Variants in LINGO2 observed in about 807,000 individuals in gnomAD.
LINGO2 encodes leucine-rich repeat and immunoglobulin-like domain-containing nogo receptor-interacting protein 2.
In LINGO2, 14 loss-of-function variants were observed where a neutral mutation model predicts 30.6. The ratio of observed to expected loss-of-function variants is 0.46; its 90% confidence interval spans 0.30 to 0.72. The LOEUF is 0.72. Ranked by LOEUF, LINGO2 falls within the 30% of genes least tolerant of loss-of-function variation. The pLI is 0.07. For missense variants in LINGO2, 729 were observed against 751.7 expected (o/e 0.97, Z 0.35); for synonymous variants, 317 against 288.5 (o/e 1.10, Z -1.00).
At chr9:28,687,934 AG>A in the LINGO2 span, among the ~76,000 whole-genome samples, 1 of 152,162 alleles carries the variant, frequency 6.6e-6, no homozygotes, top group Non-Finnish European at 1.5e-5. Flanking sequence ...TTATGAGCAA[AG>A]ACTCTGTGAA....
the LINGO2 span, chr9:28,863,630 G>A: frequency 5.8e-4 from 279 of 483,842 alleles, no homozygotes; most frequent in Non-Finnish European, 1.1e-3. Context: ...CACCTGTGAA[G>A]CACTATGAAT....
At chr9:29,060,476 A>G in the LINGO2 span, among the ~76,000 whole-genome samples, 1 of 151,976 alleles carries the variant, frequency 6.6e-6, no homozygotes, top group Non-Finnish European at 1.5e-5. Flanking sequence ...TTATAACAAG[A>G]CCCAGAGATC....
the LINGO2 span, among the ~76,000 whole-genome samples, chr9:28,700,535 C>G: frequency 6.6e-6 from 1 of 151,952 alleles, no homozygotes; most frequent in South Asian, 2.1e-4. Context: ...CATCCATACA[C>G]TGAAGGACAT....
intron 1 of LINGO2, among the ~76,000 whole-genome samples, chr9:28,525,378 G>A (rs1820981779): frequency 6.6e-6 from 1 of 152,046 alleles, no homozygotes; most frequent in Non-Finnish European, 1.5e-5. Context: ...GTACATGAAT[G>A]TTCATAATAA....
intron 3 of LINGO2, among the ~76,000 whole-genome samples, chr9:28,309,030 C>T (rs1158068210): frequency 6.6e-6 from 1 of 151,764 alleles, no homozygotes; most frequent in Non-Finnish European, 1.5e-5. Context: ...GTGGCAATTC[C>T]TCAGGGATCT....
the LINGO2 span, among the ~76,000 whole-genome samples, chr9:29,105,147 C>A: frequency 6.6e-6 from 1 of 152,064 alleles, no homozygotes; most frequent in South Asian, 2.1e-4. Flanking sequence ...TTTTATTTCA[C>A]AAATATTTGA....
the LINGO2 span, among the ~76,000 whole-genome samples, chr9:28,705,293 TGGTGGTAAGATGTTAGGGGAA>T: frequency 6.6e-6 from 1 of 151,940 alleles, no homozygotes; most frequent in Non-Finnish European, 1.5e-5. Flanking sequence ...CTTTAGCATG[TGGTGGTAAGATGTTAGGGGAA>T]GACAAATAAC....
chr9:28,976,780 A>C, the LINGO2 span, among the ~76,000 whole-genome samples: 5 of 152,072 alleles, frequency 3.3e-5, no homozygotes. Context: ...GCATCATTAA[A>C]AAAAAAAGAA....
chr9:28,376,378 C>A (rs1821132498), intron 2 of LINGO2, among the ~76,000 whole-genome samples: 1 of 152,172 alleles, frequency 6.6e-6, no homozygotes, highest in African/African-American at 2.4e-5. Flanking sequence ...CTAAAGATGG[C>A]AACCTATTCG....
At chr9:28,831,758 G>C in the LINGO2 span, among the ~76,000 whole-genome samples, 1 of 152,182 alleles carries the variant, frequency 6.6e-6, no homozygotes, top group African/African-American at 2.4e-5. Flanking sequence ...TAAAATTTTA[G>C]TCATGGCTAT....
At chr9:28,781,105 T>C in the LINGO2 span, among the ~76,000 whole-genome samples, 2 of 152,256 alleles carry the variant, frequency 1.3e-5, no homozygotes, top group South Asian at 2.1e-4. Flanking sequence ...ATTTTATACA[T>C]GAGGTTTTTG....
At chr9:29,015,070 T>A in the LINGO2 span, among the ~76,000 whole-genome samples, 6 of 152,138 alleles carry the variant, frequency 3.9e-5, no homozygotes, top group African/African-American at 1.4e-4. Context: ...ACCGGCAGAA[T>A]AATTTGGAGT....
At chr9:28,809,859 T>C in the LINGO2 span, among the ~76,000 whole-genome samples, 2 of 152,094 alleles carry the variant, frequency 1.3e-5, no homozygotes, top group African/African-American at 4.8e-5. Flanking sequence ...CCGGCTATTT[T>C]GGTCTTATTT....
chr9:29,009,907 C>T, the LINGO2 span, among the ~76,000 whole-genome samples: 146 of 152,224 alleles, frequency 9.6e-4, no homozygotes, highest in African/African-American at 3.3e-3. Context: ...TTGGACAAAC[C>T]TGACAAAAAC....
chr9:28,848,157 C>CT, the LINGO2 span, among the ~76,000 whole-genome samples: 1 of 79,268 alleles, frequency 1.3e-5, no homozygotes, highest in African/African-American at 7.7e-5. Context: ...TATATATACG[C>CT]ATATATAGTG....
At chr9:28,886,371 A>C in the LINGO2 span, among the ~76,000 whole-genome samples, 1 of 152,140 alleles carries the variant, frequency 6.6e-6, no homozygotes, top group Non-Finnish European at 1.5e-5. Flanking sequence ...AAGGTCTAAA[A>C]TGGTATATTC....
chr9:28,260,650 G>A (rs1822533643), intron 4 of LINGO2, among the ~76,000 whole-genome samples: 1 of 151,844 alleles, frequency 6.6e-6, no homozygotes, highest in African/African-American at 2.4e-5. Flanking sequence ...AGAGTCCTAC[G>A]TATGTAGCAA....
In LINGO2 at chr9:28,148,282, C is replaced by T. The variant is rs747500751; in HGVS notation, c.-86-135877G>A. 4.9e-5 allele frequency: 39 copies of T among 788,034 alleles called. No homozygotes were observed. Among genetic ancestry groups the T allele is most frequent in the African/African-American group, 1.5e-4 (9 of 58,744 alleles). 48.8% of individuals were successfully genotyped at this position (788,034 alleles called of 1,614,324 possible). A position where few individuals can be genotyped will look rare whatever the true frequency, so the allele number is the denominator to read the frequency against. On this transcript the variant is annotated intron_variant, in intron 4 of 5. Coordinates refer to ENST00000379992, the Ensembl canonical transcript of LINGO2. This position sits in a 1 kb window ranked among gnomAD's most constrained non-coding sequence, Gnocchi z 5.1. ...TCCTGTCTCCTGTGGTCTGGAGCCC[C>T]GCCTCAAGGAAGAAACCCATGCTGT... is the stretch of plus-strand genomic sequence containing the variant.
Position 28,140,789 on chromosome 9 carries a change from C to T in LINGO2, c.-86-128384G>A, listed in dbSNP as rs138704896. 4.4e-3 allele frequency among the ~76,000 whole-genome samples: 669 copies of T among 152,288 alleles called. 12 individuals are homozygous for T. Among genetic ancestry groups the T allele is most frequent in the African/African-American group, 0.015 (611 of 41,560 alleles). ...TCTGTCTTCTTTACTAAGTTATACA[C>T]TCCACAAAGACAGGATCATTCTTTT... On this transcript the variant is annotated intron_variant, in intron 4 of 5. Coordinates refer to ENST00000379992, the Ensembl canonical transcript of LINGO2.
Sources: allele counts gnomAD v4.1 joint callset (sites outside exome capture counted in the v4.1 genomes callset), GRCh38; gene constraint gnomAD v4.1.1; non-coding constraint Gnocchi (gnomAD v3.1); transcripts MANE v1.5; gene names NCBI Gene and HGNC (gene_info 2026-07-23, HGNC 2026-07-21).